Variants in USP37 observed in about 807,000 individuals in gnomAD.
USP37 encodes the protein ubiquitin carboxyl-terminal hydrolase 37.
A neutral mutation model predicts 124.0 loss-of-function variants in USP37; 27 were observed. The ratio of observed to expected loss-of-function variants is 0.22; its 90% confidence interval spans 0.16 to 0.30. The LOEUF (loss-of-function observed/expected upper bound fraction) is 0.30, where lower values mean the gene tolerates loss of function less well. Ranked by LOEUF, USP37 falls within the 10% of genes least tolerant of loss-of-function variation. USP37 has a pLI of 1.00. For synonymous variants in USP37, 365 were observed against 388.0 expected (o/e 0.94, Z 0.70); for missense variants, 889 against 1,140.4 (o/e 0.78, Z 3.17).
At position 218,520,586 on chromosome 2, in the gene USP37, G is replaced by A. The variant is rs141654092; in HGVS notation, c.863+9370C>T. 2.8e-3 allele frequency among the ~76,000 whole-genome samples: 422 copies of A among 152,082 alleles called. 1 individual carries two copies. Among genetic ancestry groups the A allele is most frequent in the Middle Eastern group, 0.017 (5 of 294 alleles). ...AGGCTTGTCTCAAACTCCCGACCTC[G>A]GGTGATCGGCCCACCACAGCCTCCC... On this transcript the variant is annotated intron_variant, in intron 10 of 25. Coordinates refer to ENST00000258399, the MANE Select transcript of USP37 (RefSeq NM_020935.3).
chr2:218,526,272 C>T (rs55714660), intron 10 of USP37, among the ~76,000 whole-genome samples: 2,873 of 151,944 alleles, frequency 0.019, 96 homozygotes, highest in African/African-American at 0.065. Flanking sequence ...TGCTCTGTTG[C>T]CCAGGTTAGA....
At chr2:218,537,354 T>C (rs1351532198) in intron 8 of USP37, among the ~76,000 whole-genome samples, 2 of 152,170 alleles carry the variant, frequency 1.3e-5, no homozygotes, top group African/African-American at 4.8e-5. Context: ...CACTGCTATG[T>C]GAATAATCCC....
At chr2:218,463,097 G>A (rs1296582744) in intron 22 of USP37, among the ~76,000 whole-genome samples, 2 of 151,580 alleles carry the variant, frequency 1.3e-5, no homozygotes, top group African/African-American at 4.9e-5. Context: ...TACCCAGGAC[G>A]TGGAGGTTGC....
At chr2:218,554,309 T>G (rs949566335) in intron 4 of USP37, among the ~76,000 whole-genome samples, 1 of 152,252 alleles carries the variant, frequency 6.6e-6, no homozygotes, top group South Asian at 2.1e-4. Flanking sequence ...CTACTAAAAT[T>G]AATTTTACGG....
intron 20 of USP37, among the ~76,000 whole-genome samples, chr2:218,472,538 AC>A (rs1690752411): frequency 6.6e-6 from 1 of 151,508 alleles, no homozygotes; most frequent in African/African-American, 2.4e-5. Context: ...ATATCGGCTC[AC>A]TGCAACCTCC....
chr2:218,520,279 T>C (rs1013456801), intron 10 of USP37, among the ~76,000 whole-genome samples: 21 of 152,148 alleles, frequency 1.4e-4, no homozygotes, highest in African/African-American at 4.8e-4. Context: ...TTAATTTTTT[T>C]TCAAAGTTAA....
chr2:218,563,310 G>A (rs1175270808), intron 1 of USP37, among the ~76,000 whole-genome samples: 1 of 152,090 alleles, frequency 6.6e-6, no homozygotes, highest in Non-Finnish European at 1.5e-5. Flanking sequence ...AGAACTTTAG[G>A]AACTTATCTG....
chr2:218,500,565 G>A (rs1200800934), intron 11 of USP37, among the ~76,000 whole-genome samples: 2 of 151,816 alleles, frequency 1.3e-5, no homozygotes, highest in Non-Finnish European at 2.9e-5. Flanking sequence ...TAATAGAGAC[G>A]GCGTTTCCCC....
chr2:218,458,863 C>A (rs1302734667), intron 23 of USP37, among the ~76,000 whole-genome samples: 1 of 151,862 alleles, frequency 6.6e-6, no homozygotes, highest in Non-Finnish European at 1.5e-5. Flanking sequence ...GCCCAGGAGT[C>A]TGAAGCCAGC....
intron 10 of USP37, among the ~76,000 whole-genome samples, chr2:218,526,782 T>C (rs1214270216): frequency 7.8e-6 from 1 of 128,476 alleles, no homozygotes; most frequent in Admixed American, 8.3e-5. Context: ...TTCATTTCAT[T>C]TGCTTTTTTT....
At chr2:218,553,496 T>C (rs577612847) in intron 5 of USP37, 57 bp downstream of exon 5, 1 of 1,476,092 alleles carries the variant, frequency 6.8e-7, no homozygotes, top group African/African-American at 1.4e-5. Context: ...TGGTCTGTAG[T>C]CTAGTCATAG....
At chr2:218,504,705 G>A (rs1574896406) in intron 11 of USP37, among the ~76,000 whole-genome samples, 1 of 152,038 alleles carries the variant, frequency 6.6e-6, no homozygotes, top group African/African-American at 2.4e-5. Context: ...AAAGCGCTAG[G>A]ATTACAGATG....
chr2:218,538,569 T>G (rs1248874746), intron 8 of USP37, among the ~76,000 whole-genome samples: 2 of 152,182 alleles, frequency 1.3e-5, no homozygotes, highest in African/African-American at 4.8e-5. Flanking sequence ...AAAGGGACCA[T>G]GAATAACGTA....
chr2:218,525,263 T>C (rs1429098553), intron 10 of USP37, among the ~76,000 whole-genome samples: 1 of 152,132 alleles, frequency 6.6e-6, no homozygotes, highest in Non-Finnish European at 1.5e-5. Flanking sequence ...GGCGAATCAC[T>C]TGAGCCCAGG....
chr2:218,543,831 CAAAA>C (rs559137867), intron 8 of USP37, among the ~76,000 whole-genome samples: 3,652 of 149,572 alleles, frequency 0.024, 144 homozygotes, highest in African/African-American at 0.084. Context: ...AAAAAACAAA[CAAAA>C]AAAAAAACAT....
intron 10 of USP37, among the ~76,000 whole-genome samples, chr2:218,512,464 T>C (rs892022204): frequency 2.0e-5 from 3 of 151,946 alleles, no homozygotes; most frequent in Non-Finnish European, 4.4e-5. Context: ...GCTGAGATCA[T>C]GCCACTGCAC....
chr2:218,455,747 GT>G, intron 24 of USP37, 29 bp from the exon 25 acceptor site: 1 of 1,608,886 alleles, frequency 6.2e-7, no homozygotes, highest in Non-Finnish European at 8.5e-7. Context: ...TAAAATCAAG[GT>G]TTTTAAAAAC....
chr2:218,547,006 T>A lies in USP37; in HGVS notation c.515A>T (p.Lys172Met), dbSNP rs756190896. The change falls in exon 7 of 26, where the codon AAG becomes ATG. Residue 172 changes from lysine to methionine, a missense_variant. Around this residue, in one of 3 missense-constraint regions of USP37, gnomAD observed 374 missense variants for 386.0 expected, o/e 0.97. Coordinates refer to ENST00000258399, the MANE Select transcript of USP37 (RefSeq NM_020935.3). ...VLGNPGRGSI[K>M]TVAGSGIART... ...AGCTATTCCACTTCCTGCTACAGTC[T>A]TAATCGATCCTCTACCCGGATTACC... The A allele has an allele frequency of 2.5e-6, 4 of 1,613,654 alleles. No homozygotes were observed. In the African/African-American group the frequency reaches 4.0e-5, roughly 16 times the overall value.
At chr2:218,502,721 G>A (rs963860048) in intron 11 of USP37, among the ~76,000 whole-genome samples, 1 of 151,998 alleles carries the variant, frequency 6.6e-6, no homozygotes, top group African/African-American at 2.4e-5. Flanking sequence ...CACTTACAAG[G>A]GCAGAAGAAT....
Sources: gnomAD v4.1 joint callset for allele counts (sites outside exome capture counted in the v4.1 genomes callset) on GRCh38, gnomAD v4.1.1 for gene constraint, gnomAD v4.1.1 regional missense constraint, MANE v1.5 for transcripts, NCBI Gene and HGNC (gene_info 2026-07-23, HGNC 2026-07-21) for gene names.